The following PLSCR4 variants were observed in gnomAD, a reference collection of about 807,000 sequenced individuals.
The protein encoded by PLSCR4 is phospholipid scramblase 4.
In PLSCR4, 25 loss-of-function variants were observed where a neutral mutation model predicts 36.3. That is an observed-to-expected ratio of 0.69 (90% CI 0.50 to 0.96). The LOEUF is 0.96. Ranked by LOEUF, PLSCR4 falls within the 40% of genes least tolerant of loss-of-function variation. PLSCR4 has a pLI of 0.00. For missense variants in PLSCR4, 408 were observed against 414.7 expected (o/e 0.98, Z 0.14); for synonymous variants, 122 against 132.9 (o/e 0.92, Z 0.56).
intron 3 of PLSCR4, among the ~76,000 whole-genome samples, chr3:146,216,155 C>T (rs72991445): frequency 0.014 from 2,141 of 152,178 alleles, 51 homozygotes; most frequent in African/African-American, 0.049. Flanking sequence ...ATTTAGAACC[C>T]GGGAAGCGGA....
In PLSCR4 at chr3:146,218,520, T is replaced by C. The variant is rs569608321; in HGVS notation, c.118+2295A>G. ...AATTTATATTTATTTTAAAATTAAA[T>C]ACATATTTATGTAATTGAACAATTT... On this transcript the variant is annotated intron_variant, in intron 3 of 8. Transcript: ENST00000354952. Among the ~76,000 whole-genome samples the C allele has an allele frequency of 3.3e-5, 5 of 151,792 alleles. No homozygotes were observed. The East Asian group carries it at 7.7e-4, about 23-fold the overall frequency.
chr3:146,223,163 G>A (rs1390935924), intron 1 of PLSCR4, among the ~76,000 whole-genome samples: 2 of 152,262 alleles, frequency 1.3e-5, no homozygotes, highest in Non-Finnish European at 2.9e-5. Flanking sequence ...GGAACATTAT[G>A]AGAATAACTC....
intron 6 of PLSCR4, among the ~76,000 whole-genome samples, chr3:146,197,324 T>C (rs2108206470): frequency 6.6e-6 from 1 of 152,242 alleles, no homozygotes; most frequent in Middle Eastern, 3.4e-3. Context: ...AATGGGCTTC[T>C]CCAAGTCAAC....
At chr3:146,195,369 A>G (rs1365606938) in intron 7 of PLSCR4, 87 bp from the exon 8 acceptor site, 2 of 1,066,210 alleles carry the variant, frequency 1.9e-6, no homozygotes, top group African/African-American at 1.6e-5. Context: ...TAACATAAAT[A>G]CAATGCAGAA....
In PLSCR4 at chr3:146,192,872, G is replaced by C. The variant is rs943295070; in HGVS notation, c.*1539C>G. On this transcript the variant is annotated 3_prime_UTR_variant, in exon 9 of 9. Coordinates refer to ENST00000354952, the MANE Select transcript of PLSCR4 (RefSeq NM_020353.3). ...AAAAATGAGCATTACGAGAAACTCA[G>C]AAAAACAAATTTACCCTGAAAAGAT... 5.9e-5 allele frequency: 9 copies of C among 151,656 alleles called. No individual in the cohort carries two copies. The highest frequency in any genetic ancestry group is 2.2e-4 in the African/African-American group (9 of 41,392). 9.4% of individuals were successfully genotyped at this position (151,656 alleles called of 1,614,324 possible). A position where few individuals can be genotyped will look rare whatever the true frequency, so the allele number is the denominator to read the frequency against.
At chr3:146,198,568 TTTTTTTA>T (rs2033872393) in intron 6 of PLSCR4, among the ~76,000 whole-genome samples, 1 of 151,904 alleles carries the variant, frequency 6.6e-6, no homozygotes, top group Non-Finnish European at 1.5e-5. Context: ...GCCTGGCTAA[TTTTTTTA>T]TTTTTTATTT....
At chr3:146,245,110 T>C (rs1205578985) in intron 1 of PLSCR4, among the ~76,000 whole-genome samples, 2 of 152,020 alleles carry the variant, frequency 1.3e-5, no homozygotes, top group African/African-American at 2.4e-5. Flanking sequence ...GAGTTAGAAG[T>C]GAAGCATGAA....
chr3:146,238,623 A>G (rs1273802836), intron 1 of PLSCR4, among the ~76,000 whole-genome samples: 2 of 152,126 alleles, frequency 1.3e-5, no homozygotes, highest in Non-Finnish European at 2.9e-5. Context: ...ATACTCAACA[A>G]TCTAGAAATA....
chr3:146,249,811 T>C (rs956789145), intron 1 of PLSCR4, among the ~76,000 whole-genome samples: 2 of 152,172 alleles, frequency 1.3e-5, no homozygotes, highest in South Asian at 4.1e-4. Flanking sequence ...AAGAATGTTA[T>C]GTATTTTATT....
At chr3:146,232,386 G>T (rs2035748116) in intron 1 of PLSCR4, among the ~76,000 whole-genome samples, 1 of 152,120 alleles carries the variant, frequency 6.6e-6, no homozygotes, top group East Asian at 1.9e-4. Context: ...AAATGACATT[G>T]GTAGTTTGAT....
At chr3:146,244,637 GT>G (rs2036275037) in intron 1 of PLSCR4, among the ~76,000 whole-genome samples, 2 of 152,040 alleles carry the variant, frequency 1.3e-5, no homozygotes, top group African/African-American at 4.8e-5. Flanking sequence ...AGTAAGTGTT[GT>G]TGTGACTGCT....
intron 1 of PLSCR4, among the ~76,000 whole-genome samples, chr3:146,230,385 G>A (rs2035659309): frequency 6.6e-6 from 1 of 152,162 alleles, no homozygotes; most frequent in South Asian, 2.1e-4. Context: ...TCCTATGTGT[G>A]TCTGTGCAGG....
intron 1 of PLSCR4, 113 bp from the exon 2 acceptor site, chr3:146,222,205 A>G: frequency 2.5e-6 from 1 of 403,642 alleles, no homozygotes; most frequent in Non-Finnish European, 4.5e-6. Context: ...GTTACCTTAC[A>G]TTTGTCCCTT....
chr3:146,228,700 T>G (rs2035578195), intron 1 of PLSCR4, among the ~76,000 whole-genome samples: 1 of 140,578 alleles, frequency 7.1e-6, no homozygotes, highest in African/African-American at 2.6e-5. Flanking sequence ...AAGAATATAG[T>G]GTTCATTCTA....
rs148440151 is a variant in PLSCR4, at chr3:146,245,114, G to A, written c.-22+5846C>T. Among the ~76,000 whole-genome samples the A allele has an allele frequency of 6.2e-4, 94 of 152,146 alleles. 1 individual carries two copies. In the East Asian group the frequency reaches 0.017, roughly 27 times the overall value. ...AAGAGAACTAAGAGTTAGAAGTGAA[G>A]CATGAAGATGTTACCGAATTGTTGC... On this transcript the variant is annotated intron_variant, in intron 1 of 8. Coordinates refer to ENST00000354952, the MANE Select transcript of PLSCR4 (RefSeq NM_020353.3).
chr3:146,240,264 A>G (rs1287929857), intron 1 of PLSCR4, among the ~76,000 whole-genome samples: 25 of 152,214 alleles, frequency 1.6e-4, no homozygotes, highest in Admixed American at 1.6e-3. Flanking sequence ...ATAAGCACAT[A>G]AAAATATTCT....
At chr3:146,231,846 GC>G (rs1195479357) in intron 1 of PLSCR4, among the ~76,000 whole-genome samples, 2 of 152,072 alleles carry the variant, frequency 1.3e-5, no homozygotes, top group African/African-American at 4.8e-5. Flanking sequence ...CTCTGTAAAA[GC>G]TCTTTAGTTT....
intron 3 of PLSCR4, among the ~76,000 whole-genome samples, chr3:146,219,940 CA>C (rs1001896693): frequency 2.0e-5 from 3 of 147,496 alleles, no homozygotes; most frequent in Admixed American, 6.8e-5. Context: ...AACTCCATCT[CA>C]AAAAAAAAAC....
chr3:146,193,528 T>G lies in PLSCR4; in HGVS notation c.*883A>C, dbSNP rs2033529458. The G allele has an allele frequency of 6.6e-6, 1 of 152,330 alleles. No homozygotes were observed. Among genetic ancestry groups the G allele is most frequent in the Middle Eastern group, 3.4e-3 (1 of 296 alleles). The allele number at this position is 152,330 out of a possible 1,614,324, so 9.4% of individuals were successfully genotyped here. ...GATACAAAGGTGTACTAGGCAATCTTAGAGATCTGGCAACTTATTTTATAT... is the reference window on the plus strand; with the variant it reads ...GATACAAAGGTGTACTAGGCAATCTGAGAGATCTGGCAACTTATTTTATAT... On this transcript the variant is annotated 3_prime_UTR_variant, in exon 9 of 9. Transcript: ENST00000354952.
Sources: gnomAD v4.1 joint callset for allele counts (sites outside exome capture counted in the v4.1 genomes callset) on GRCh38, gnomAD v4.1.1 for gene constraint, MANE v1.5 for transcripts, NCBI Gene and HGNC (gene_info 2026-07-23, HGNC 2026-07-21) for gene names.